The following POLR1A variants were observed in gnomAD, a reference collection of about 807,000 sequenced individuals.
POLR1A encodes RNA polymerase I subunit A.
A neutral mutation model predicts 205.3 loss-of-function variants in POLR1A; 84 were observed. The ratio of observed to expected loss-of-function variants is 0.41; its 90% CI spans 0.34 to 0.49. The LOEUF (loss-of-function observed/expected upper bound fraction) is 0.49. Ranked by LOEUF, POLR1A falls within the 20% of genes least tolerant of loss-of-function variation. The pLI is 0.22. For missense variants in POLR1A, 1,645 were observed against 2,204.5 expected (o/e 0.75, Z 5.08); for synonymous variants, 799 against 863.7 (o/e 0.93, Z 1.31).
rs561871760 is a variant in POLR1A at position 86,091,067 on chromosome 2, CG to C, written c.433-1139del. On this transcript the variant is annotated intron_variant, in intron 3 of 33. Transcript: ENST00000263857. ...CCCCCAACACATAAACATAGTAAGCCGGAACACAAAGGACTATACTCTCAGG... is the reference window on the plus strand; with the variant it reads ...CCCCCAACACATAAACATAGTAAGCCGAACACAAAGGACTATACTCTCAGG... 3.9e-3 allele frequency among the ~76,000 whole-genome samples: 600 copies of C among 152,176 alleles called. 2 individuals carry two copies. Among genetic ancestry groups the C allele is most frequent in the Non-Finnish European group, 6.3e-3 (430 of 68,010 alleles).
At chr2:86,045,883 G>A (rs1672701927) in intron 19 of POLR1A, 114 bp from the exon 20 acceptor site, 1 of 852,076 alleles carries the variant, frequency 1.2e-6, no homozygotes, top group African/African-American at 1.8e-5. Flanking sequence ...TGGAAACCGA[G>A]TTCTTGAAGG....
intron 31 of POLR1A, among the ~76,000 whole-genome samples, chr2:86,029,117 C>T (rs574505276): frequency 6.6e-6 from 1 of 152,350 alleles, no homozygotes; most frequent in African/African-American, 2.4e-5. Context: ...GGCCAGTCAG[C>T]CGCACAGGCA....
At position 86,100,071 on chromosome 2, in the gene POLR1A, G is replaced by C. The variant is rs1345934066; in HGVS notation, c.179C>G (p.Ser60Cys). The stretch of plus-strand genomic sequence containing the variant: ...CACGCAGGTGGAGCACACCTCTTTG[G>C]AATCTGCAGGGCCCAAAGCTAAATC... Reference protein sequence around the residue: ...LYDLALGPADSKEVCSTCVQD... With the variant: ...LYDLALGPADCKEVCSTCVQD... Residue 60 changes from serine (S) to cysteine (C), a missense_variant, in exon 2 of 34, where the codon TCC (serine) becomes TGC (cysteine). Ser to Cys is a moderately radical substitution (Grantham distance 112). This residue lies in a region of POLR1A where 330 missense variants were observed against 375.6 expected (regional missense o/e 0.88). Transcript: ENST00000263857. 1 of 1,614,196 alleles carries C rather than the reference G, an allele frequency of 6.2e-7. No individual in the cohort carries two copies. Among genetic ancestry groups the C allele is most frequent in the Non-Finnish European group, 8.5e-7 (1 of 1,180,014 alleles).
chr2:86,102,131 C>T (rs1673832179), intron 1 of POLR1A, among the ~76,000 whole-genome samples: 1 of 152,200 alleles, frequency 6.6e-6, no homozygotes, highest in Non-Finnish European at 1.5e-5. Context: ...ACCCTACTTT[C>T]AATTCCTTGG....
At chr2:86,101,013 T>A (rs1274157202) in intron 1 of POLR1A, among the ~76,000 whole-genome samples, 1 of 152,130 alleles carries the variant, frequency 6.6e-6, no homozygotes, top group Non-Finnish European at 1.5e-5. Flanking sequence ...GCCCACCCAG[T>A]TCAATGAAGG....
chr2:86,037,004 G>A (rs1037722777), intron 27 of POLR1A: 1 of 152,300 alleles, frequency 6.6e-6, no homozygotes, highest in African/African-American at 2.4e-5. Context: ...GGCCTCCTGT[G>A]AACAGAACTG....
chr2:86,041,839 T>G (rs1485369287), intron 24 of POLR1A, 50 bp downstream of exon 24: 4 of 1,499,082 alleles, frequency 2.7e-6, no homozygotes, highest in Non-Finnish European at 3.7e-6. Context: ...AGGCAGGGGC[T>G]AGGAGGCAGA....
intron 1 of POLR1A, among the ~76,000 whole-genome samples, chr2:86,100,597 A>G (rs1277730259): frequency 2.0e-5 from 3 of 151,024 alleles, no homozygotes; most frequent in African/African-American, 7.3e-5. Context: ...GTAGTGGTGC[A>G]ACCTCGACTC....
intron 7 of POLR1A, among the ~76,000 whole-genome samples, chr2:86,082,541 C>CTT (rs35737381): frequency 3.1e-4 from 45 of 146,914 alleles, no homozygotes; most frequent in Non-Finnish European, 3.1e-4. Flanking sequence ...AACTCCAGTG[C>CTT]TTTTTTTTTT....
At position 86,065,356 on chromosome 2, in the gene POLR1A, C is replaced by T. The variant is rs374794748; in HGVS notation, c.1976G>A (p.Arg659Gln). Residue 659 changes from arginine (R) to glutamine (Q), a missense_variant, in exon 14 of 34, where the codon CGA becomes CAA. By Grantham distance (43) the Arg-to-Gln change is conservative. Coordinates refer to ENST00000263857, the MANE Select transcript of POLR1A (RefSeq NM_015425.6). ...GCGCCCCACTTTGTCCGTGAGTCCTCGGTACACCAGCTCCATATAGTGCTC... is the reference window on the plus strand; with the variant it reads ...GCGCCCCACTTTGTCCGTGAGTCCTTGGTACACCAGCTCCATATAGTGCTC... ...TREHYMELVYRGLTDKVGRVK... is the reference protein window; with the variant it reads ...TREHYMELVYQGLTDKVGRVK... The T allele has an allele frequency of 1.6e-5, 26 of 1,614,152 alleles. No individual in the cohort carries two copies. The highest frequency in any genetic ancestry group is 8.9e-5 in the East Asian group (4 of 44,884).
chr2:86,043,883 C>T lies in POLR1A; in HGVS notation c.3135+256G>A, dbSNP rs147358514. Reference sequence around the variant, plus strand: ...GTGTGCTTTAGCTGAGGGCCCAGCACACGGCAAATGGCCCCAAAGAGTAGG... The same window carrying T: ...GTGTGCTTTAGCTGAGGGCCCAGCATACGGCAAATGGCCCCAAAGAGTAGG... On this transcript the variant is annotated intron_variant, in intron 22 of 33. Transcript: ENST00000263857. Among the ~76,000 whole-genome samples the T allele has an allele frequency of 2.4e-3, 371 of 152,264 alleles. 4 individuals are homozygous for T. Among genetic ancestry groups the T allele is most frequent in the South Asian group, 0.023 (111 of 4,826 alleles).
At chr2:86,096,004 A>T (rs1673695769) in intron 3 of POLR1A, among the ~76,000 whole-genome samples, 2 of 152,146 alleles carry the variant, frequency 1.3e-5, no homozygotes. Context: ...CTGGGATTAC[A>T]GGTGTGAGCC....
At chr2:86,080,134 A>G (rs961403545) in intron 9 of POLR1A, among the ~76,000 whole-genome samples, 5 of 152,098 alleles carry the variant, frequency 3.3e-5, no homozygotes, top group Non-Finnish European at 7.4e-5. Context: ...GGAGTCTGAG[A>G]ACCCGGACTG....
At chr2:86,030,987 T>C (rs1199608559) in intron 30 of POLR1A, among the ~76,000 whole-genome samples, 1 of 152,144 alleles carries the variant, frequency 6.6e-6, no homozygotes, top group Non-Finnish European at 1.5e-5. Context: ...GGAGGTGGTG[T>C]ATTTGAAAGT....
chr2:86,055,757 C>T (rs1672883949), intron 14 of POLR1A, among the ~76,000 whole-genome samples: 1 of 152,186 alleles, frequency 6.6e-6, no homozygotes, highest in African/African-American at 2.4e-5. Flanking sequence ...TAAAAATACT[C>T]AACAGACTAG....
chr2:86,069,965 A>G lies in POLR1A; in HGVS notation c.1866+53T>C, dbSNP rs1673146686. 4 of 1,568,216 alleles carry G rather than the reference A, an allele frequency of 2.6e-6. No individual in the cohort carries two copies. In the South Asian group the frequency reaches 3.4e-5, roughly 14 times the overall value. ...AGGGGCTGGCAGGGCCCAACTTAAAAGTGCTAAGTCATGCTGACGATGACC... is the reference window on the plus strand; with the variant it reads ...AGGGGCTGGCAGGGCCCAACTTAAAGGTGCTAAGTCATGCTGACGATGACC... On this transcript the variant is annotated intron_variant, in intron 13 of 33. Transcript: ENST00000263857.
chr2:86,075,055 GC>G lies in POLR1A; in HGVS notation c.1585del (p.Ala529HisfsTer14). 6.2e-7 allele frequency: 1 copy of G among 1,610,710 alleles called. No individual in the cohort carries two copies. The highest frequency in any genetic ancestry group is 8.5e-7 in the Non-Finnish European group (1 of 1,179,338). ...AKQLLTPATGAPKPQGTKIVC... is the reference protein window; with the variant it reads ...AKQLLTPATGXPKPQGTKIVC... ...AATTTTTGTCCCCTGGGGCTTAGGTGCCCCCGTGGCTGGGGTCAGAAGCTGC... is the reference window on the plus strand; with the variant it reads ...AATTTTTGTCCCCTGGGGCTTAGGTGCCCCGTGGCTGGGGTCAGAAGCTGC... On this transcript the variant is annotated frameshift_variant, in exon 12 of 34. Coordinates refer to ENST00000263857, the MANE Select transcript of POLR1A (RefSeq NM_015425.6). LOFTEE classifies it high-confidence loss of function.
intron 6 of POLR1A, among the ~76,000 whole-genome samples, chr2:86,087,625 G>C (rs886866858): frequency 1.3e-5 from 2 of 152,178 alleles, no homozygotes; most frequent in African/African-American, 4.8e-5. Context: ...TCACTGCAGA[G>C]TGCGCCTCCT....
chr2:86,043,499 A>T lies in POLR1A; in HGVS notation c.3136-304T>A, dbSNP rs76363275. ...AGGGAGTTTCTGGGAAGAAAGGAAG[A>T]GGGGAAGAGTGATGGCCAAGCTCAG... is the stretch of plus-strand genomic sequence containing the variant. On this transcript the variant is annotated intron_variant, in intron 22 of 33. Coordinates refer to ENST00000263857, the MANE Select transcript of POLR1A (RefSeq NM_015425.6). Among the ~76,000 whole-genome samples the T allele has an allele frequency of 9.2e-5, 14 of 152,298 alleles. No individual in the cohort carries two copies. In the East Asian group the frequency reaches 2.7e-3, roughly 29 times the overall value.
Sources: gnomAD v4.1 joint callset for allele counts (sites outside exome capture counted in the v4.1 genomes callset) on GRCh38, gnomAD v4.1.1 for gene constraint, gnomAD v4.1.1 regional missense constraint, MANE v1.5 for transcripts, NCBI Gene and HGNC (gene_info 2026-07-23, HGNC 2026-07-21) for gene names.